Variants in BMP7 observed in about 807,000 individuals in gnomAD.
BMP7 encodes the protein osteogenic protein 1.
Under a neutral mutation model 41.2 loss-of-function variants are expected in BMP7, and 12 were observed. The ratio of observed to expected loss-of-function variants is 0.29; its 90% CI spans 0.19 to 0.47. The LOEUF is 0.47. Ranked by LOEUF, BMP7 falls within the 20% of genes least tolerant of loss-of-function variation. The pLI is 0.99. For missense variants in BMP7, 467 were observed against 606.0 expected, an observed-to-expected ratio of 0.77 and a Z score of 2.41; for synonymous variants, 248 against 250.0, an observed-to-expected ratio of 0.99 and a Z score of 0.07.
intron 3 of BMP7, among the ~76,000 whole-genome samples, chr20:57,190,111 G>T (rs967958946): frequency 6.6e-6 from 1 of 152,232 alleles, no homozygotes; most frequent in Admixed American, 6.5e-5. Flanking sequence ...AGGAACCAGA[G>T]AGGTTGAGAC....
intron 1 of BMP7, among the ~76,000 whole-genome samples, chr20:57,239,655 G>A (rs1305008402): frequency 6.6e-6 from 1 of 152,216 alleles, no homozygotes; most frequent in Non-Finnish European, 1.5e-5. Flanking sequence ...ACCCACTCCT[G>A]CAGCAAACTT....
At chr20:57,260,479 G>A (rs1396121798) in intron 1 of BMP7, among the ~76,000 whole-genome samples, 1 of 152,162 alleles carries the variant, frequency 6.6e-6, no homozygotes, top group Non-Finnish European at 1.5e-5. Context: ...AGTGTGTAAA[G>A]CTAAATGTGT....
At chr20:57,202,327 G>T (rs1984639565) in intron 3 of BMP7, 148 bp downstream of exon 3, 4 of 1,115,792 alleles carry the variant, frequency 3.6e-6, no homozygotes, top group Non-Finnish European at 5.2e-6. Context: ...GGCTGCTTCT[G>T]GTTTGGATCA....
chr20:57,209,047 G>C (rs1308545399), intron 2 of BMP7, among the ~76,000 whole-genome samples: 1 of 151,270 alleles, frequency 6.6e-6, no homozygotes, highest in Non-Finnish European at 1.5e-5. Context: ...GGCCAGGCAC[G>C]GTGGCTCACG....
intron 3 of BMP7, among the ~76,000 whole-genome samples, chr20:57,190,485 A>T (rs116125242): frequency 8.1e-6 from 1 of 123,006 alleles, no homozygotes; most frequent in African/African-American, 4.1e-5. Context: ...GGCTGGAGAG[A>T]GTGAGTGAGG....
chr20:57,261,141 G>T lies in BMP7; in HGVS notation c.418+4564C>A, dbSNP rs2066152520. The stretch of plus-strand genomic sequence containing the variant: ...CGGACACGTGATATTCACTCACATC[G>T]CAGGCATTCCGGTGGTGAGGGGATC... On this transcript the variant is annotated intron_variant, in intron 1 of 6. Transcript: ENST00000395863. This position sits in a 1 kb window ranked among gnomAD's most constrained non-coding sequence, Gnocchi z 4.1. 6.6e-6 allele frequency among the ~76,000 whole-genome samples: 1 copy of T among 152,200 alleles called. No homozygotes were observed. Among genetic ancestry groups the T allele is most frequent in the African/African-American group, 2.4e-5 (1 of 41,450 alleles).
intron 3 of BMP7, among the ~76,000 whole-genome samples, chr20:57,196,075 G>C (rs143918770): frequency 9.1e-4 from 139 of 152,258 alleles, no homozygotes; most frequent in Non-Finnish European, 1.5e-3. Flanking sequence ...TGGCCCTCCT[G>C]AGTCGCGAGT....
intron 3 of BMP7, among the ~76,000 whole-genome samples, chr20:57,188,884 G>C (rs1269282087): frequency 6.6e-6 from 1 of 152,198 alleles, no homozygotes; most frequent in Admixed American, 6.5e-5. Flanking sequence ...GCTGGTCCAC[G>C]GCAAGGCCAA....
At chr20:57,208,921 C>G (rs1298450789) in intron 2 of BMP7, among the ~76,000 whole-genome samples, 1 of 152,100 alleles carries the variant, frequency 6.6e-6, no homozygotes, top group Non-Finnish European at 1.5e-5. Context: ...TGGTGGCTCA[C>G]ACCTGTAATC....
chr20:57,256,559 T>C (rs1366815269), intron 1 of BMP7, among the ~76,000 whole-genome samples: 1 of 152,130 alleles, frequency 6.6e-6, no homozygotes, highest in East Asian at 1.9e-4. Flanking sequence ...AATTTTGGGG[T>C]ACATACCCTA....
In BMP7 at chr20:57,174,998, C is replaced by T; in HGVS notation, c.968G>A (p.Ser323Asn). The change falls in exon 5 of 7, where the codon AGC becomes AAC. Residue 323 changes from serine to asparagine, a missense_variant. Transcript: ENST00000395863. This position sits in a 1 kb window ranked among gnomAD's most constrained non-coding sequence, Gnocchi z 4.3. ...LRMANVAENSSSDQRQACKKH... is the reference protein window; with the variant it reads ...LRMANVAENSNSDQRQACKKH... ...CTTACAGGCCTGCCTCTGGTCGCTG[C>T]TGCTGTTCTCTGCATTGACAAGGAA... 1 of 1,611,130 alleles carries T rather than the reference C, an allele frequency of 6.2e-7. No individual in the cohort carries two copies. The highest frequency in any genetic ancestry group is 8.5e-7 in the Non-Finnish European group (1 of 1,179,802).
At chr20:57,205,496 A>G (rs1416711750) in intron 2 of BMP7, among the ~76,000 whole-genome samples, 1 of 152,204 alleles carries the variant, frequency 6.6e-6, no homozygotes, top group Non-Finnish European at 1.5e-5. Context: ...GCGATTCTCA[A>G]CAATTAACAG....
chr20:57,254,673 A>C (rs1029289791), intron 1 of BMP7, among the ~76,000 whole-genome samples: 36 of 151,906 alleles, frequency 2.4e-4, no homozygotes, highest in African/African-American at 8.2e-4. Context: ...AAAAACAAAA[A>C]CAAAAAGAAG....
intron 1 of BMP7, among the ~76,000 whole-genome samples, chr20:57,230,785 T>C (rs903475340): frequency 8.6e-5 from 13 of 151,194 alleles, no homozygotes; most frequent in Non-Finnish European, 1.9e-4. Flanking sequence ...CACACCATTC[T>C]CCTGCCTCAG....
chr20:57,256,947 T>G (rs2066136539), intron 1 of BMP7, among the ~76,000 whole-genome samples: 1 of 152,104 alleles, frequency 6.6e-6, no homozygotes, highest in African/African-American at 2.4e-5. Context: ...CATTTGTACT[T>G]CATAAAACAG....
At chr20:57,207,998 T>A (rs1038909525) in intron 2 of BMP7, among the ~76,000 whole-genome samples, 1 of 150,574 alleles carries the variant, frequency 6.6e-6, no homozygotes, top group Non-Finnish European at 1.5e-5. Flanking sequence ...CCCGGCTAAT[T>A]TTTTGTATTT....
chr20:57,172,707 T>C (rs879868478), intron 6 of BMP7, among the ~76,000 whole-genome samples: 2 of 152,232 alleles, frequency 1.3e-5, no homozygotes, highest in Non-Finnish European at 2.9e-5. Context: ...CACGTTAATC[T>C]CATTATCACA....
chr20:57,237,233 C>T (rs1259583320), intron 1 of BMP7, among the ~76,000 whole-genome samples: 5 of 152,182 alleles, frequency 3.3e-5, no homozygotes, highest in Non-Finnish European at 5.9e-5. Flanking sequence ...GCTCAAGGGG[C>T]TAAAAGAACT....
intron 1 of BMP7, among the ~76,000 whole-genome samples, chr20:57,237,702 A>G (rs1318301735): frequency 1.3e-5 from 2 of 152,236 alleles, no homozygotes; most frequent in East Asian, 3.8e-4. Flanking sequence ...AGAAGGGAGG[A>G]GAATGCTCTA....
Sources: allele counts gnomAD v4.1 joint callset (sites outside exome capture counted in the v4.1 genomes callset), GRCh38; gene constraint gnomAD v4.1.1; non-coding constraint Gnocchi (gnomAD v3.1); transcripts MANE v1.5; gene names NCBI Gene and HGNC (gene_info 2026-07-23, HGNC 2026-07-21).